The following ATXN10 variants were observed in gnomAD, a reference collection of about 807,000 sequenced individuals.
The protein encoded by ATXN10 is ataxin 10.
ATXN10 carries 28 observed loss-of-function variants against 52.9 expected under a neutral mutation model. The ratio of observed to expected loss-of-function variants is 0.53; its 90% CI spans 0.39 to 0.73. ATXN10 has a LOEUF of 0.73. Ranked by LOEUF, ATXN10 falls within the 30% of genes least tolerant of loss-of-function variation. The probability of loss-of-function intolerance (pLI) is 0.00; values close to 1 mark genes in which losing one functional copy is unlikely to be tolerated. For missense variants in ATXN10, 565 were observed against 577.0 expected, an observed-to-expected ratio of 0.98 and a Z score of 0.21; for synonymous variants, 226 against 221.5, an observed-to-expected ratio of 1.02 and a Z score of -0.18.
chr22:45,815,456 G>C (rs1467250527), intron 10 of ATXN10, among the ~76,000 whole-genome samples: 2 of 152,284 alleles, frequency 1.3e-5, no homozygotes, highest in East Asian at 1.9e-4. Context: ...AGGACATTCT[G>C]CTGCACTCGT....
chr22:45,727,265 C>T lies in ATXN10; in HGVS notation c.729-2160C>T, dbSNP rs934118448. Among the ~76,000 whole-genome samples the T allele has an allele frequency of 5.9e-5, 9 of 152,000 alleles. No individual in the cohort carries two copies. The highest frequency in any genetic ancestry group is 2.2e-4 in the African/African-American group (9 of 41,380). On this transcript the variant is annotated intron_variant, in intron 6 of 11. Transcript: ENST00000252934. This position sits in a 1 kb window ranked among gnomAD's most constrained non-coding sequence, Gnocchi z 4.6. ...TGAGGGTTCCTTTTGGAATTGATTTCTAGTTTTATTCTATTGTGGTCTGAG... is the reference window on the plus strand; with the variant it reads ...TGAGGGTTCCTTTTGGAATTGATTTTTAGTTTTATTCTATTGTGGTCTGAG...
Position 45,786,020 on chromosome 22 carries a change from G to A in ATXN10, c.1174-20939G>A, listed in dbSNP as rs2146858706. ...TTTTCATCTTGTAATCAGAAATATA[G>A]CTAGCTTCTTAAAAATCAGCTAATT... is the stretch of plus-strand genomic sequence containing the variant. On this transcript the variant is annotated intron_variant, in intron 9 of 11. Coordinates refer to ENST00000252934, the MANE Select transcript of ATXN10 (RefSeq NM_013236.4). This position sits in a 1 kb window ranked among gnomAD's most constrained non-coding sequence, Gnocchi z 4.1. Among the ~76,000 whole-genome samples the A allele has an allele frequency of 6.6e-6, 1 of 152,246 alleles. No individual in the cohort carries two copies. Among genetic ancestry groups the A allele is most frequent in the Non-Finnish European group, 1.5e-5 (1 of 68,026 alleles).
intron 6 of ATXN10, among the ~76,000 whole-genome samples, chr22:45,722,160 G>A (rs1012545037): frequency 2.6e-5 from 4 of 152,266 alleles, no homozygotes; most frequent in East Asian, 3.9e-4. Flanking sequence ...AATTCTAGAC[G>A]GCTGTAGCCT....
chr22:45,831,515 CA>C (rs1255830784), intron 10 of ATXN10, among the ~76,000 whole-genome samples: 1 of 152,122 alleles, frequency 6.6e-6, no homozygotes, highest in Non-Finnish European at 1.5e-5. Context: ...AAAAAGCAAA[CA>C]GTTCTGTCTG....
At chr22:45,716,323 T>A (rs1360456045) in intron 5 of ATXN10, among the ~76,000 whole-genome samples, 1 of 147,490 alleles carries the variant, frequency 6.8e-6, no homozygotes, top group Admixed American at 6.7e-5. Context: ...TTTGAGTGCT[T>A]CCTTTTTTTT....
At chr22:45,685,573 A>G (rs528791425) in intron 1 of ATXN10, among the ~76,000 whole-genome samples, 1 of 152,312 alleles carries the variant, frequency 6.6e-6, no homozygotes, top group East Asian at 1.9e-4. Flanking sequence ...CATTACACAT[A>G]TTTAGCTGCA....
chr22:45,741,245 A>G (rs1569044870), intron 9 of ATXN10, among the ~76,000 whole-genome samples: 1 of 152,234 alleles, frequency 6.6e-6, no homozygotes, highest in Non-Finnish European at 1.5e-5. Context: ...TGTCTGCAGT[A>G]TGACTTTGCC....
chr22:45,813,818 C>A (rs1487597523), intron 10 of ATXN10, among the ~76,000 whole-genome samples: 1 of 152,202 alleles, frequency 6.6e-6, no homozygotes. Context: ...TGTAGCTATT[C>A]ATTCCTATAA....
At position 45,696,585 on chromosome 22, in the gene ATXN10, G is replaced by T. The variant is rs1022419901; in HGVS notation, c.391+3507G>T. Among the ~76,000 whole-genome samples the T allele has an allele frequency of 6.6e-6, 1 of 152,146 alleles. No individual in the cohort carries two copies. The highest frequency in any genetic ancestry group is 1.5e-5 in the Non-Finnish European group (1 of 68,034). On this transcript the variant is annotated intron_variant, in intron 3 of 11. Transcript: ENST00000252934. The surrounding 1 kb of genome is among the most constrained non-coding windows in gnomAD (Gnocchi z 4.7). Reference sequence around the variant, plus strand: ...CCTGAAATTATCCCCTTGCTCTCAGGCAGCCTCTGTTTTTTTCCTCTTTAC... The same window carrying T: ...CCTGAAATTATCCCCTTGCTCTCAGTCAGCCTCTGTTTTTTTCCTCTTTAC...
rs540419824 is a variant in ATXN10, at chr22:45,784,394, C to G, written c.1174-22565C>G. On this transcript the variant is annotated intron_variant, in intron 9 of 11. Coordinates refer to ENST00000252934, the MANE Select transcript of ATXN10 (RefSeq NM_013236.4). This position sits in a 1 kb window ranked among gnomAD's most constrained non-coding sequence, Gnocchi z 4.2. ...GATACTTGGCACGTTTCCTTTCCCT[C>G]GCCTATTTCCCATTTTCAAGCAGAG... Among the ~76,000 whole-genome samples, 2 of 152,264 alleles carry G rather than the reference C, an allele frequency of 1.3e-5. No individual in the cohort carries two copies. Among genetic ancestry groups the G allele is most frequent in the South Asian group, 2.1e-4 (1 of 4,824 alleles).
intron 6 of ATXN10, among the ~76,000 whole-genome samples, chr22:45,726,092 G>C (rs551182075): frequency 1.3e-5 from 2 of 152,258 alleles, no homozygotes; most frequent in South Asian, 2.1e-4. Context: ...ATGTTCATCA[G>C]GGATATTGGT....
intron 3 of ATXN10, among the ~76,000 whole-genome samples, chr22:45,694,381 G>A (rs568877398): frequency 2.6e-5 from 4 of 151,280 alleles, no homozygotes; most frequent in Non-Finnish European, 4.4e-5. Flanking sequence ...GCTGGGTGCC[G>A]TGGCTCATGC....
In ATXN10 at chr22:45,795,424, T is replaced by TATTCTA. The variant is rs1555896219; in HGVS notation, c.1174-11535_1174-11534insATTCTA. ...TATTCTATTCTATTCTATTCTATTC[T>TATTCTA]TTTTGAGATGAAGTCTCTCTATGTT... On this transcript the variant is annotated intron_variant, in intron 9 of 11. Coordinates refer to ENST00000252934, the MANE Select transcript of ATXN10 (RefSeq NM_013236.4). The surrounding 1 kb of genome is among the most constrained non-coding windows in gnomAD (Gnocchi z 4.6). Among the ~76,000 whole-genome samples, 3 of 147,450 alleles carry TATTCTA rather than the reference T, an allele frequency of 2.0e-5. No homozygotes were observed. The highest frequency in any genetic ancestry group is 2.1e-4 in the South Asian group (1 of 4,678).
intron 1 of ATXN10, among the ~76,000 whole-genome samples, chr22:45,687,086 T>G (rs1446880306): frequency 6.6e-6 from 1 of 152,114 alleles, no homozygotes. Flanking sequence ...CTATTAATAG[T>G]TATTTGGATT....
intron 8 of ATXN10, among the ~76,000 whole-genome samples, chr22:45,739,714 T>C (rs556927916): frequency 3.9e-4 from 59 of 152,292 alleles, no homozygotes; most frequent in African/African-American, 1.3e-3. Flanking sequence ...CATTATAAAA[T>C]TGGGAAAGTG....
chr22:45,689,574 G>T, intron 1 of ATXN10, 138 bp from the exon 2 acceptor site: 1 of 698,096 alleles, frequency 1.4e-6, no homozygotes. Flanking sequence ...CTTTTATTTG[G>T]TGTTGTAAAT....
chr22:45,776,504 C>G (rs1409620577), intron 9 of ATXN10, among the ~76,000 whole-genome samples: 16 of 150,484 alleles, frequency 1.1e-4, no homozygotes, highest in Non-Finnish European at 1.9e-4. Flanking sequence ...CTCCCTGATA[C>G]CTTTTTTTTT....
intron 6 of ATXN10, among the ~76,000 whole-genome samples, chr22:45,729,061 G>A (rs541910474): frequency 3.9e-5 from 6 of 152,294 alleles, no homozygotes; most frequent in South Asian, 2.1e-4. Flanking sequence ...GCTTAGCTCC[G>A]TAGAAAATGG....
chr22:45,723,878 A>G (rs1209718790), intron 6 of ATXN10, among the ~76,000 whole-genome samples: 1 of 151,542 alleles, frequency 6.6e-6, no homozygotes, highest in Non-Finnish European at 1.5e-5. Flanking sequence ...AATTGCTTGA[A>G]CCTGGGAGAC....
Sources: allele counts gnomAD v4.1 joint callset (sites outside exome capture counted in the v4.1 genomes callset), GRCh38; gene constraint gnomAD v4.1.1; non-coding constraint Gnocchi (gnomAD v3.1); transcripts MANE v1.5; gene names NCBI Gene and HGNC (gene_info 2026-07-23, HGNC 2026-07-21).